USH2A: variants seen among roughly 807,000 people sequenced by gnomAD.
USH2A encodes the protein usherin.
USH2A carries 443 observed loss-of-function variants against 538.9 expected under a neutral mutation model. The ratio of observed to expected loss-of-function variants is 0.82; its 90% confidence interval spans 0.76 to 0.89. The LOEUF is 0.89. Among genes scored for constraint, USH2A ranks in the 40% least tolerant of loss-of-function variants. The pLI, the probability that USH2A is intolerant of heterozygous loss-of-function variation, is 0.00. For missense variants in USH2A, 6,633 were observed against 6,324.8 expected, an observed-to-expected ratio of 1.05 and a Z score of -1.65; for synonymous variants, 2,413 against 2,273.5, an observed-to-expected ratio of 1.06 and a Z score of -1.75.
At chr1:216,046,812 C>G (rs1241607039) in intron 31 of USH2A, among the ~76,000 whole-genome samples, 1 of 152,114 alleles carries the variant, frequency 6.6e-6, no homozygotes, top group Non-Finnish European at 1.5e-5. Context: ...AGTACTTACA[C>G]TAGTTCACTT....
In USH2A at chr1:216,231,971, A is replaced by T; in HGVS notation, c.2975T>A (p.Phe992Tyr). The change falls in exon 14 of 72, where the codon TTT (phenylalanine) becomes TAT (tyrosine). Residue 992 changes from phenylalanine to tyrosine, a missense_variant. Coordinates refer to ENST00000307340, the MANE Select transcript of USH2A (RefSeq NM_206933.4). The stretch of plus-strand genomic sequence containing the variant: ...GATGTACCTTCCAGTCTGAGGATCA[A>T]ATCCAAAGTAATGGTCTTTGCATTG... ...CDQCKDHYFG[F>Y]DPQTGRCQPC... 1.2e-6 allele frequency: 2 copies of T among 1,614,030 alleles called. No homozygotes were observed. The highest frequency in any genetic ancestry group is 1.7e-6 in the Non-Finnish European group (2 of 1,179,876).
chr1:216,107,830 A>G (rs1558262269), intron 21 of USH2A, among the ~76,000 whole-genome samples: 1 of 151,714 alleles, frequency 6.6e-6, no homozygotes, highest in Admixed American at 6.6e-5. Context: ...TGGCTCTCTA[A>G]GGATCATCAT....
intron 9 of USH2A, among the ~76,000 whole-genome samples, chr1:216,316,082 G>A (rs1020477870): frequency 6.6e-6 from 1 of 151,882 alleles, no homozygotes; most frequent in African/African-American, 2.4e-5. Flanking sequence ...TAAAGTCAAG[G>A]CCTTAAAATT....
rs768097994 is a variant in USH2A, at chr1:215,782,742, T to C, written c.10581A>G (p.Ser3527=). 1.9e-6 allele frequency: 3 copies of C among 1,613,544 alleles called. No homozygotes were observed. In the Admixed American group the frequency reaches 5.0e-5, roughly 27 times the overall value. Residue 3527 remains serine, a synonymous_variant, in exon 53 of 72, where the codon TCA becomes TCG. Transcript: ENST00000307340. ...IVLNWRKPIQ[S]NGPIIYYILL... is the part of the protein sequence containing the mutation. ...ATTTTAAAGGTATCTCAATACCATT[T>C]GATTGTATAGGTTTTCTCCAGTTTA...
chr1:215,900,010 AATTGAAGAC>A lies in USH2A; in HGVS notation c.7594+56_7594+64del, dbSNP rs374145881. On this transcript the variant is annotated intron_variant, in intron 40 of 71. Transcript: ENST00000307340. Reference sequence around the variant, plus strand: ...AGGCTCATTTCTTTGCTTTGGAAAAAATTGAAGACATTTTAAGCTCCCTATGTAGAAGAC... The same window carrying A: ...AGGCTCATTTCTTTGCTTTGGAAAAAATTTTAAGCTCCCTATGTAGAAGAC... The A allele has an allele frequency of 5.8e-4, 929 of 1,610,672 alleles. 5 individuals carry two copies. In the African/African-American group the frequency reaches 0.011, roughly 20 times the overall value.
chr1:215,851,114 C>A (rs919241835), intron 44 of USH2A, among the ~76,000 whole-genome samples: 5 of 152,126 alleles, frequency 3.3e-5, no homozygotes, highest in Non-Finnish European at 7.3e-5. Flanking sequence ...AATAGACAAT[C>A]TAAGGTCACA....
chr1:215,888,286 A>G, intron 41 of USH2A, 140 bp downstream of exon 41: 2 of 1,311,832 alleles, frequency 1.5e-6, no homozygotes, highest in Non-Finnish European at 2.1e-6. Context: ...TTTGGGCCAA[A>G]GGCCAAAACC....
chr1:216,208,037 G>A (rs1396269761), intron 15 of USH2A, among the ~76,000 whole-genome samples: 1 of 152,046 alleles, frequency 6.6e-6, no homozygotes, highest in African/African-American at 2.4e-5. Context: ...TAATACAATT[G>A]CTTATCAGGC....
At chr1:216,045,123 A>T (rs940708304) in intron 32 of USH2A, among the ~76,000 whole-genome samples, 4 of 152,146 alleles carry the variant, frequency 2.6e-5, no homozygotes, top group African/African-American at 9.7e-5. Flanking sequence ...GTGAGTGAAT[A>T]CATAAATAAT....
intron 20 of USH2A, among the ~76,000 whole-genome samples, chr1:216,177,847 G>A (rs1294834127): frequency 7.2e-5 from 11 of 151,982 alleles, no homozygotes; most frequent in African/African-American, 2.7e-4. Flanking sequence ...CTTTAAGTAT[G>A]TCTGCTGGAT....
chr1:216,116,212 A>G (rs1194172562), intron 21 of USH2A, among the ~76,000 whole-genome samples: 1 of 152,102 alleles, frequency 6.6e-6, no homozygotes, highest in Non-Finnish European at 1.5e-5. Flanking sequence ...TATAAATTAT[A>G]TTTCATATTT....
chr1:216,275,903 T>C (rs2036661810), intron 11 of USH2A, among the ~76,000 whole-genome samples: 1 of 152,136 alleles, frequency 6.6e-6, no homozygotes, highest in Non-Finnish European at 1.5e-5. Flanking sequence ...ATGGGTATGT[T>C]TCCTTCCTAC....
intron 32 of USH2A, among the ~76,000 whole-genome samples, chr1:216,026,484 C>T (rs1668967668): frequency 6.6e-6 from 1 of 152,114 alleles, no homozygotes; most frequent in Non-Finnish European, 1.5e-5. Flanking sequence ...AGCATTGGTA[C>T]ACTTCTGTGA....
intron 35 of USH2A, among the ~76,000 whole-genome samples, chr1:215,976,550 CT>C (rs1391659026): frequency 1.3e-5 from 2 of 152,070 alleles, no homozygotes; most frequent in East Asian, 3.9e-4. Flanking sequence ...AAAGCTTTTT[CT>C]GTATCTATTG....
intron 20 of USH2A, among the ~76,000 whole-genome samples, chr1:216,180,227 C>T (rs777527644): frequency 8.6e-5 from 13 of 151,812 alleles, no homozygotes; most frequent in Non-Finnish European, 1.8e-4. Context: ...AAGTTTAAAA[C>T]GAATCTTCAA....
rs1165568295 is a variant in USH2A at position 216,386,692 on chromosome 1, A to G, written c.652-21607T>C. Among the ~76,000 whole-genome samples, 3 of 151,024 alleles carry G rather than the reference A, an allele frequency of 2.0e-5. No individual in the cohort carries two copies. The East Asian group carries it at 5.9e-4, about 30-fold the overall frequency. On this transcript the variant is annotated intron_variant, in intron 3 of 71. Transcript: ENST00000307340. The stretch of plus-strand genomic sequence containing the variant: ...AACACAGTGAAACCCCGTCTCTACT[A>G]AAAATACAAAAAATTAGCCTGGCGT...
chr1:215,726,340 C>T (rs1659817082), intron 61 of USH2A, among the ~76,000 whole-genome samples: 1 of 152,086 alleles, frequency 6.6e-6, no homozygotes. Context: ...ACATAATTTA[C>T]TATCTAATAA....
At chr1:216,121,347 A>T (rs1296437512) in intron 21 of USH2A, among the ~76,000 whole-genome samples, 1 of 152,218 alleles carries the variant, frequency 6.6e-6, no homozygotes, top group Non-Finnish European at 1.5e-5. Context: ...CATAACTTAT[A>T]TCCCAAATTT....
At chr1:216,285,296 G>C (rs1436830304) in intron 11 of USH2A, among the ~76,000 whole-genome samples, 1 of 152,198 alleles carries the variant, frequency 6.6e-6, no homozygotes, top group Non-Finnish European at 1.5e-5. Context: ...TCCAGCTATG[G>C]CTAAAAGGGA....
Sources: gnomAD v4.1 joint callset for allele counts (sites outside exome capture counted in the v4.1 genomes callset) on GRCh38, gnomAD v4.1.1 for gene constraint, MANE v1.5 for transcripts, NCBI Gene and HGNC (gene_info 2026-07-23, HGNC 2026-07-21) for gene names.